FHIT: variants seen among roughly 807,000 people sequenced by gnomAD.
FHIT encodes the protein fragile histidine triad diadenosine triphosphatase.
A neutral mutation model predicts 17.9 loss-of-function variants in FHIT; 19 were observed. The observed-to-expected ratio is 1.06, with a 90% CI of 0.74 to 1.56. FHIT has a LOEUF of 1.56. Ranked by LOEUF, FHIT falls within the 40% of genes most tolerant of loss-of-function variation. FHIT has a pLI of 0.00. For synonymous variants in FHIT, 81 were observed against 69.7 expected, an observed-to-expected ratio of 1.16 and a Z score of -0.81; for missense variants, 248 against 189.2, an observed-to-expected ratio of 1.31 and a Z score of -1.82.
At chr3:61,093,240 G>A (rs1322250484) in intron 2 of FHIT, among the ~76,000 whole-genome samples, 1 of 152,172 alleles carries the variant, frequency 6.6e-6, no homozygotes, top group Non-Finnish European at 1.5e-5. Flanking sequence ...ATAATTCTAT[G>A]TATGGAGAGA....
chr3:60,187,597 T>C (rs1407971852), intron 5 of FHIT, among the ~76,000 whole-genome samples: 1 of 152,182 alleles, frequency 6.6e-6, no homozygotes, highest in African/African-American at 2.4e-5. Flanking sequence ...TCACCAGCCC[T>C]GCCTATTACA....
chr3:60,719,806 C>T (rs1157431110), intron 4 of FHIT, among the ~76,000 whole-genome samples: 4 of 152,128 alleles, frequency 2.6e-5, no homozygotes, highest in African/African-American at 4.8e-5. Flanking sequence ...TCCTTTGAAT[C>T]CATCCTCAAG....
intron 1 of FHIT, among the ~76,000 whole-genome samples, chr3:61,216,296 A>G (rs1178563990): frequency 6.6e-6 from 1 of 152,216 alleles, no homozygotes; most frequent in Non-Finnish European, 1.5e-5. Context: ...TAAATTTACA[A>G]GACAAAAACA....
At chr3:60,968,471 G>GC (rs1297414154) in intron 3 of FHIT, among the ~76,000 whole-genome samples, 1 of 149,904 alleles carries the variant, frequency 6.7e-6, no homozygotes, top group African/African-American at 2.5e-5. Context: ...AGGCTGGAGT[G>GC]CAGTGGCATG....
chr3:60,685,616 C>T (rs1004608919), intron 4 of FHIT, among the ~76,000 whole-genome samples: 18 of 152,192 alleles, frequency 1.2e-4, no homozygotes, highest in Admixed American at 1.2e-3. Context: ...CACTTCTCTT[C>T]ATTCTAAGAA....
intron 2 of FHIT, among the ~76,000 whole-genome samples, chr3:61,045,531 A>G (rs2033740338): frequency 6.6e-6 from 1 of 152,152 alleles, no homozygotes; most frequent in African/African-American, 2.4e-5. Flanking sequence ...CTCCCACACA[A>G]TAATAATGGG....
chr3:59,804,040 CTG>C (rs1700102306), intron 8 of FHIT, among the ~76,000 whole-genome samples: 2 of 152,214 alleles, frequency 1.3e-5, no homozygotes. Flanking sequence ...AAGTAGCAGT[CTG>C]CCATCAGGCA....
At chr3:60,798,174 T>A (rs746119561) in intron 4 of FHIT, among the ~76,000 whole-genome samples, 1 of 152,258 alleles carries the variant, frequency 6.6e-6, no homozygotes, top group African/African-American at 2.4e-5. Flanking sequence ...CCCTGGGGCC[T>A]TAGTTTGCAG....
At chr3:60,704,839 A>G (rs9828898) in intron 4 of FHIT, among the ~76,000 whole-genome samples, 16,726 of 152,100 alleles carry the variant, frequency 0.11, 1,979 homozygotes, top group African/African-American at 0.3. Flanking sequence ...TTCTCTGGAA[A>G]ACTAACATAT....
chr3:59,804,636 A>G (rs894664429), intron 8 of FHIT, among the ~76,000 whole-genome samples: 6 of 152,172 alleles, frequency 3.9e-5, no homozygotes, highest in Non-Finnish European at 2.9e-5. Flanking sequence ...AATGAAGAGG[A>G]TGAAGTAAAG....
rs1170383044 is a variant in FHIT, at chr3:60,842,645, A to ATTTTTTTTTT, written c.-110-20644_-110-20635dup. Among the ~76,000 whole-genome samples, 89 of 94,538 alleles carry ATTTTTTTTTT rather than the reference A, an allele frequency of 9.4e-4. 5 individuals are homozygous for ATTTTTTTTTT. Among genetic ancestry groups the ATTTTTTTTTT allele is most frequent in the Non-Finnish European group, 1.4e-3 (65 of 46,112 alleles). The allele number at this position is 94,538 out of a possible 152,430, so 62.0% of individuals were successfully genotyped here. ...TATATGAGTGTATATATATATATAT[A>ATTTTTTTTTT]TTTTTTTTTTTTTTTTTTTCCCTTG... On this transcript the variant is annotated intron_variant, in intron 3 of 9. Coordinates refer to ENST00000492590, the MANE Select transcript of FHIT (RefSeq NM_002012.4).
intron 4 of FHIT, among the ~76,000 whole-genome samples, chr3:60,569,494 G>A (rs911060046): frequency 5.9e-5 from 9 of 151,776 alleles, no homozygotes; most frequent in African/African-American, 2.2e-4. Flanking sequence ...CCAAGCATAT[G>A]CCTACTGAGT....
intron 5 of FHIT, among the ~76,000 whole-genome samples, chr3:60,308,404 G>C (rs575417242): frequency 6.6e-6 from 1 of 151,728 alleles, no homozygotes; most frequent in Non-Finnish European, 1.5e-5. Context: ...TAATTAGTAT[G>C]GGCTGTTACA....
intron 5 of FHIT, among the ~76,000 whole-genome samples, chr3:60,305,245 C>G (rs1441683073): frequency 6.6e-6 from 1 of 151,948 alleles, no homozygotes; most frequent in Non-Finnish European, 1.5e-5. Context: ...CCCAATGTAT[C>G]CTGAAGAAGT....
chr3:59,901,740 A>T (rs549333472), intron 8 of FHIT, among the ~76,000 whole-genome samples: 1 of 152,302 alleles, frequency 6.6e-6, no homozygotes, highest in South Asian at 2.1e-4. Flanking sequence ...CAAAAATTAA[A>T]CATAGGGTTA....
intron 5 of FHIT, among the ~76,000 whole-genome samples, chr3:60,047,094 A>AT (rs1372194018): frequency 6.6e-6 from 1 of 152,246 alleles, no homozygotes; most frequent in Non-Finnish European, 1.5e-5. Context: ...TTTGCTAGGA[A>AT]TTTGTTAAAT....
chr3:60,030,114 A>C (rs1160807050), intron 5 of FHIT, among the ~76,000 whole-genome samples: 1 of 152,114 alleles, frequency 6.6e-6, no homozygotes, highest in African/African-American at 2.4e-5. Context: ...TGAACTCTGA[A>C]TGCATCATTA....
chr3:59,991,006 C>A (rs768829630), intron 7 of FHIT, among the ~76,000 whole-genome samples: 9 of 152,022 alleles, frequency 5.9e-5, no homozygotes, highest in Admixed American at 1.3e-4. Flanking sequence ...AGACAACATT[C>A]CTTCCGTGAG....
In FHIT at chr3:60,635,826, C is replaced by G. The variant is rs546812335; in HGVS notation, c.-17-98847G>C. ...TTGGCAAACTTTTCCCTTAAACGGGCAGACAGCAAGTATTTTTGCCTTTGT... is the reference window on the plus strand; with the variant it reads ...TTGGCAAACTTTTCCCTTAAACGGGGAGACAGCAAGTATTTTTGCCTTTGT... On this transcript the variant is annotated intron_variant, in intron 4 of 9. Transcript: ENST00000492590. Among the ~76,000 whole-genome samples, 3 of 152,240 alleles carry G rather than the reference C, an allele frequency of 2.0e-5. No individual in the cohort carries two copies. In the East Asian group the frequency reaches 5.8e-4, roughly 29 times the overall value.
Sources: allele counts gnomAD v4.1 joint callset (sites outside exome capture counted in the v4.1 genomes callset), GRCh38; gene constraint gnomAD v4.1.1; transcripts MANE v1.5; gene names NCBI Gene and HGNC (gene_info 2026-07-23, HGNC 2026-07-21).